Variants in MYO6 observed in about 807,000 individuals in gnomAD.
MYO6 encodes unconventional myosin-VI.
A neutral mutation model predicts 178.7 loss-of-function variants in MYO6; 74 were observed. That is an observed-to-expected ratio of 0.41 (90% confidence interval 0.34 to 0.50). The LOEUF (loss-of-function observed/expected upper bound fraction) is 0.50. MYO6 is among the 20% of genes least tolerant of loss of function. The pLI, the probability that MYO6 is intolerant of heterozygous loss-of-function variation, is 0.09. For missense variants in MYO6, 1,330 were observed against 1,547.4 expected, an observed-to-expected ratio of 0.86 and a Z score of 2.36; for synonymous variants, 477 against 504.6, an observed-to-expected ratio of 0.95 and a Z score of 0.73.
chr6:75,857,906 C>T (rs983919408), intron 13 of MYO6, among the ~76,000 whole-genome samples: 6 of 152,102 alleles, frequency 3.9e-5, no homozygotes, highest in Admixed American at 1.3e-4. Flanking sequence ...TCAATGTGGG[C>T]ATTCTTTCTG....
chr6:75,891,927 G>A (rs1210655300), intron 27 of MYO6, among the ~76,000 whole-genome samples: 2 of 152,170 alleles, frequency 1.3e-5, no homozygotes, highest in Non-Finnish European at 2.9e-5. Flanking sequence ...GTTAATACAT[G>A]TTAAAGCATT....
intron 7 of MYO6, among the ~76,000 whole-genome samples, chr6:75,838,213 C>A (rs188343675): frequency 2.0e-3 from 308 of 152,122 alleles, no homozygotes; most frequent in Non-Finnish European, 3.8e-3. Flanking sequence ...TGCCACCACG[C>A]CTGGCTGATT....
intron 3 of MYO6, among the ~76,000 whole-genome samples, chr6:75,826,704 A>G (rs1040416544): frequency 6.6e-6 from 1 of 152,146 alleles, no homozygotes; most frequent in Non-Finnish European, 1.5e-5. Flanking sequence ...CCCTCTCTAT[A>G]TCCTTCCTTA....
At chr6:75,887,838 G>A (rs1214450798) in intron 25 of MYO6, among the ~76,000 whole-genome samples, 1 of 150,450 alleles carries the variant, frequency 6.6e-6, no homozygotes, top group East Asian at 2.0e-4. Context: ...AATTAGCCAG[G>A]CGTGATGGGG....
intron 20 of MYO6, among the ~76,000 whole-genome samples, chr6:75,878,546 C>G (rs2149340032): frequency 6.6e-6 from 1 of 152,304 alleles, no homozygotes; most frequent in African/African-American, 2.4e-5. Context: ...ATACCTTTGC[C>G]AGTCAAATGG....
At chr6:75,797,320 C>T (rs897842370) in intron 1 of MYO6, among the ~76,000 whole-genome samples, 5 of 151,828 alleles carry the variant, frequency 3.3e-5, no homozygotes, top group South Asian at 2.1e-4. Flanking sequence ...CTCGAACTCC[C>T]GACCTCAAGT....
At chr6:75,896,283 G>A (rs1310027806) in intron 29 of MYO6, among the ~76,000 whole-genome samples, 3 of 152,144 alleles carry the variant, frequency 2.0e-5, no homozygotes, top group Admixed American at 2.0e-4. Flanking sequence ...AGAAATACAA[G>A]GATAGTCATT....
rs370018140 is a variant in MYO6, at chr6:75,807,730, T to G, written c.-47-9771T>G. Among the ~76,000 whole-genome samples, 29 of 152,348 alleles carry G rather than the reference T, an allele frequency of 1.9e-4. No individual in the cohort carries two copies. The East Asian group carries it at 2.5e-3, about 13-fold the overall frequency. On this transcript the variant is annotated intron_variant, in intron 1 of 34. Coordinates refer to ENST00000369977, the MANE Select transcript of MYO6 (RefSeq NM_004999.4). ...CCAAAGGCTGCTGGCTGCCCATTTT[T>G]ATGTTTATTTCTTGATTATACTACC...
intron 30 of MYO6, among the ~76,000 whole-genome samples, chr6:75,906,873 A>T (rs1212172941): frequency 6.6e-6 from 1 of 152,070 alleles, no homozygotes; most frequent in African/African-American, 2.4e-5. Context: ...AATCTCTGTT[A>T]TTTACCTCAT....
In MYO6 at chr6:75,892,533, G is replaced by A. The variant is rs1460277502; in HGVS notation, c.2950G>A (p.Glu984Lys). Residue 984 changes from glutamate (E) to lysine (K), a missense_variant, in exon 28 of 35, where the codon GAA becomes AAA. By Grantham distance (56) the Glu-to-Lys change is moderately conservative (BLOSUM62 1). Around this residue, in one of 3 missense-constraint regions of MYO6, gnomAD observed 601 missense variants for 626.1 expected, o/e 0.96. Transcript: ENST00000369977. ...REDDEKRIQA[E>K]VEAQLARQKE... The stretch of plus-strand genomic sequence containing the variant: ...AATAGCTTTCTGCCCTTGTCAGGCT[G>A]AAGTGGAGGCACAGCTGGCCCGACA... The A allele has an allele frequency of 6.2e-7, 1 of 1,613,934 alleles. No individual in the cohort carries two copies. The highest frequency in any genetic ancestry group is 1.3e-5 in the African/African-American group (1 of 74,930).
intron 20 of MYO6, among the ~76,000 whole-genome samples, chr6:75,877,579 C>T (rs1420460175): frequency 6.6e-6 from 1 of 151,902 alleles, no homozygotes; most frequent in African/African-American, 2.4e-5. Flanking sequence ...AAATTACTAT[C>T]TTCTGATTGG....
intron 1 of MYO6, among the ~76,000 whole-genome samples, chr6:75,761,863 G>A (rs1002773792): frequency 6.6e-5 from 10 of 152,028 alleles, no homozygotes; most frequent in Non-Finnish European, 1.3e-4. Flanking sequence ...GGTTCGGGGT[G>A]GCAGTATATT....
chr6:75,862,741 G>A lies in MYO6; in HGVS notation c.1674+18G>A. 2 of 1,613,132 alleles carry A rather than the reference G, an allele frequency of 1.2e-6. No individual in the cohort carries two copies. The highest frequency in any genetic ancestry group is 1.7e-6 in the Non-Finnish European group (2 of 1,179,164). On this transcript the variant is annotated intron_variant, in intron 16 of 34. Coordinates refer to ENST00000369977, the MANE Select transcript of MYO6 (RefSeq NM_004999.4). The stretch of plus-strand genomic sequence containing the variant: ...GACTCACTGTGAGTTTTGCCATTCT[G>A]AAATTGAGACTATGGTGGGACGAGA...
intron 1 of MYO6, 125 bp from the exon 2 acceptor site, chr6:75,817,376 A>T: frequency 1.6e-6 from 1 of 630,312 alleles, no homozygotes; most frequent in South Asian, 1.8e-5. Flanking sequence ...TGGGGATTTT[A>T]TGTGGCATGG....
At chr6:75,911,830 C>A in intron 33 of MYO6, 132 bp downstream of exon 33, 1 of 801,842 alleles carries the variant, frequency 1.2e-6, no homozygotes, top group Non-Finnish European at 2.1e-6. Flanking sequence ...GTTGTTATAT[C>A]CATACTAAGA....
Position 75,886,920 on chromosome 6 carries a change from G to C in MYO6, c.2584G>C (p.Asp862His). ...TAATGAGGTAGTCAGTGTGTTGAAA[G>C]ATGGAAAACCCGAGATGAATAAACA... ...KFNEVVSVLK[D>H]GKPEMNKQIK... The change falls in exon 25 of 35, where the codon GAT (aspartate) becomes CAT (histidine). Residue 862 changes from aspartate (D) to histidine (H), a missense_variant. Transcript: ENST00000369977. The C allele has an allele frequency of 1.2e-6, 2 of 1,613,790 alleles. No individual in the cohort carries two copies. Among genetic ancestry groups the C allele is most frequent in the Non-Finnish European group, 1.7e-6 (2 of 1,179,836 alleles).
chr6:75,886,352 A>G (rs1778431781), intron 24 of MYO6, among the ~76,000 whole-genome samples: 1 of 152,230 alleles, frequency 6.6e-6, no homozygotes, highest in Non-Finnish European at 1.5e-5. Context: ...AGAAGTAAGT[A>G]GTTGAGAGAA....
Position 75,855,309 on chromosome 6 carries a change from C to T in MYO6, c.1223+26C>T, listed in dbSNP as rs751771023. 8.1e-6 allele frequency: 13 copies of T among 1,610,972 alleles called. No homozygotes were observed. The East Asian group carries it at 2.7e-4, about 33-fold the overall frequency. Reference sequence around the variant, plus strand: ...GTAAGTTCCTTAAGTAATTGCACTGCAAAAATTTTGCCTTGCAGTTTGTCA... The same window carrying T: ...GTAAGTTCCTTAAGTAATTGCACTGTAAAAATTTTGCCTTGCAGTTTGTCA... On this transcript the variant is annotated intron_variant, in intron 12 of 34. Coordinates refer to ENST00000369977, the MANE Select transcript of MYO6 (RefSeq NM_004999.4).
intron 20 of MYO6, among the ~76,000 whole-genome samples, 166 bp from the exon 21 acceptor site, chr6:75,879,654 G>A (rs2149343036): frequency 6.6e-6 from 1 of 152,240 alleles, no homozygotes; most frequent in South Asian, 2.1e-4. Flanking sequence ...TGGTGGATAA[G>A]TTGGGACATA....
Sources: allele counts gnomAD v4.1 joint callset (sites outside exome capture counted in the v4.1 genomes callset), GRCh38; gene constraint gnomAD v4.1.1; regional missense constraint gnomAD v4.1.1; transcripts MANE v1.5; gene names NCBI Gene and HGNC (gene_info 2026-07-23, HGNC 2026-07-21).